DNAH7: variants seen among roughly 807,000 people sequenced by gnomAD.
The protein encoded by DNAH7 is dynein axonemal heavy chain 7, also known as axonemal beta dynein heavy chain 7.
DNAH7 carries 397 observed loss-of-function variants against 444.6 expected under a neutral mutation model. The observed-to-expected ratio is 0.89, with a 90% CI of 0.82 to 0.97. The LOEUF (loss-of-function observed/expected upper bound fraction) is 0.97, where lower values mean the gene tolerates loss of function less well. DNAH7 is among the 50% of genes least tolerant of loss of function. The pLI, the probability that DNAH7 is intolerant of heterozygous loss-of-function variation, is 0.00. For synonymous variants in DNAH7, 1,636 were observed against 1,624.4 expected (o/e 1.01, Z -0.17); for missense variants, 4,902 against 4,800.8 (o/e 1.02, Z -0.62).
At chr2:195,921,740 G>A (rs1487412885) in intron 24 of DNAH7, among the ~76,000 whole-genome samples, 2 of 152,030 alleles carry the variant, frequency 1.3e-5, no homozygotes, top group African/African-American at 4.8e-5. Flanking sequence ...TAAACCTATT[G>A]AAATAATAAA....
At chr2:195,751,235 A>G (rs566217110) in intron 63 of DNAH7, among the ~76,000 whole-genome samples, 7 of 152,336 alleles carry the variant, frequency 4.6e-5, no homozygotes, top group Admixed American at 3.3e-4. Flanking sequence ...TATTTCTAAG[A>G]TATCATATGT....
intron 58 of DNAH7, among the ~76,000 whole-genome samples, chr2:195,785,160 C>T (rs1695557665): frequency 6.6e-6 from 1 of 152,192 alleles, no homozygotes; most frequent in African/African-American, 2.4e-5. Context: ...ATCTGCCTGC[C>T]TTGGCCTCCC....
At chr2:195,914,234 G>A (rs565173679) in intron 24 of DNAH7, among the ~76,000 whole-genome samples, 9 of 152,258 alleles carry the variant, frequency 5.9e-5, no homozygotes, top group Admixed American at 3.9e-4. Context: ...TCTCTATCAA[G>A]AGCACTACTA....
intron 15 of DNAH7, among the ~76,000 whole-genome samples, chr2:195,975,234 G>GC (rs1445769810): frequency 1.3e-5 from 2 of 152,174 alleles, no homozygotes; most frequent in African/African-American, 4.8e-5. Context: ...AATTGTGGAT[G>GC]CCATCCCTCC....
At chr2:195,911,468 C>T (rs900254610) in intron 24 of DNAH7, among the ~76,000 whole-genome samples, 1 of 151,864 alleles carries the variant, frequency 6.6e-6, no homozygotes, top group African/African-American at 2.4e-5. Context: ...AAAATTTAAA[C>T]AGCAATGACT....
At chr2:195,886,101 T>G (rs780124988) in intron 34 of DNAH7, 40 bp downstream of exon 34, 2 of 1,585,428 alleles carry the variant, frequency 1.3e-6, no homozygotes, top group African/African-American at 2.7e-5. Flanking sequence ...AGTAGATACC[T>G]GTCTTTCTGT....
chr2:196,014,722 G>A (rs1296932784), intron 9 of DNAH7, among the ~76,000 whole-genome samples: 3 of 151,994 alleles, frequency 2.0e-5, no homozygotes, highest in Non-Finnish European at 2.9e-5. Context: ...AATTCCACTC[G>A]AAGTATCTAC....
chr2:195,972,312 A>T lies in DNAH7; in HGVS notation c.1988T>A (p.Met663Lys). Residue 663 changes from methionine to lysine, a missense_variant, in exon 16 of 65, where the codon ATG (methionine) becomes AAG (lysine). Transcript: ENST00000312428. ...CCTGTGTTCTTCAAAAATTTCTCCC[A>T]TCCTTCCATACCACTGGAAAACACT... ...NNSVFQWYGR[M>K]GEIFEEHRKI... The T allele has an allele frequency of 6.2e-7, 1 of 1,614,104 alleles. No homozygotes were observed. Among genetic ancestry groups the T allele is most frequent in the Non-Finnish European group, 8.5e-7 (1 of 1,179,986 alleles).
chr2:196,045,917 A>G (rs549310959), intron 5 of DNAH7, among the ~76,000 whole-genome samples: 2 of 152,228 alleles, frequency 1.3e-5, no homozygotes, highest in South Asian at 4.1e-4. Context: ...AAATACCAAT[A>G]AATACAAACG....
intron 49 of DNAH7, among the ~76,000 whole-genome samples, chr2:195,823,557 C>T (rs1302996709): frequency 1.3e-5 from 2 of 152,094 alleles, no homozygotes; most frequent in Non-Finnish European, 2.9e-5. Context: ...TCTTGCCTCT[C>T]TATATAACTT....
At chr2:195,785,069 G>T (rs1177837697) in intron 58 of DNAH7, among the ~76,000 whole-genome samples, 1 of 151,886 alleles carries the variant, frequency 6.6e-6, no homozygotes, top group Non-Finnish European at 1.5e-5. Context: ...CTGCCATCAC[G>T]CCCGGCTAAT....
At chr2:195,961,114 ACTT>A (rs751741618) in intron 17 of DNAH7, among the ~76,000 whole-genome samples, 169 bp from the exon 18 acceptor site, 4 of 152,126 alleles carry the variant, frequency 2.6e-5, no homozygotes, top group African/African-American at 4.8e-5. Flanking sequence ...TTTCCTATTT[ACTT>A]CTTTTTTTAA....
intron 2 of DNAH7, among the ~76,000 whole-genome samples, chr2:196,056,861 C>T (rs1416391591): frequency 2.0e-5 from 3 of 152,240 alleles, no homozygotes; most frequent in Non-Finnish European, 4.4e-5. Flanking sequence ...AGTCAGTGCT[C>T]TTTCATCTTT....
intron 3 of DNAH7, among the ~76,000 whole-genome samples, chr2:196,049,847 G>A (rs570681910): frequency 6.6e-6 from 1 of 152,252 alleles, no homozygotes; most frequent in East Asian, 1.9e-4. Context: ...TTCTACATCT[G>A]TAAACTAACA....
At chr2:196,001,648 C>T in intron 11 of DNAH7, 27 bp downstream of exon 11, 1 of 1,466,114 alleles carries the variant, frequency 6.8e-7, no homozygotes, top group East Asian at 2.4e-5. Context: ...TTTGTAAATA[C>T]ATATTGGTGA....
chr2:195,958,109 C>A (rs1323155188), intron 18 of DNAH7, among the ~76,000 whole-genome samples: 1 of 151,964 alleles, frequency 6.6e-6, no homozygotes, highest in Non-Finnish European at 1.5e-5. Flanking sequence ...CACTTTTACA[C>A]GGATTTTTTT....
At chr2:195,753,720 A>C (rs1424431305) in intron 63 of DNAH7, among the ~76,000 whole-genome samples, 1 of 152,240 alleles carries the variant, frequency 6.6e-6, no homozygotes, top group African/African-American at 2.4e-5. Context: ...TTGTCCACTA[A>C]ATTTGAAATA....
chr2:195,746,956 C>T (rs908181013), intron 63 of DNAH7, among the ~76,000 whole-genome samples: 4 of 151,840 alleles, frequency 2.6e-5, no homozygotes, highest in Non-Finnish European at 5.9e-5. Context: ...CAAGAGCAAA[C>T]ACATTCAAAA....
intron 40 of DNAH7, among the ~76,000 whole-genome samples, chr2:195,867,682 T>A (rs1362752921): frequency 6.6e-6 from 1 of 152,196 alleles, no homozygotes; most frequent in East Asian, 1.9e-4. Flanking sequence ...ATGAATCATA[T>A]CATAGGTGAC....
Sources: allele counts gnomAD v4.1 joint callset (sites outside exome capture counted in the v4.1 genomes callset), GRCh38; gene constraint gnomAD v4.1.1; transcripts MANE v1.5; gene names NCBI Gene and HGNC (gene_info 2026-07-23, HGNC 2026-07-21).